The following PRAM1 variants were observed in gnomAD, a reference collection of about 807,000 sequenced individuals.
PRAM1 encodes PML-RARA-regulated adapter molecule 1.
In PRAM1, 41 loss-of-function variants were observed where a neutral mutation model predicts 55.3. The observed-to-expected ratio is 0.74, with a 90% CI of 0.58 to 0.96. The LOEUF (loss-of-function observed/expected upper bound fraction) is 0.96. PRAM1 is among the 40% of genes least tolerant of loss of function. The pLI is 0.00. For synonymous variants in PRAM1, 401 were observed against 387.1 expected, an observed-to-expected ratio of 1.04 and a Z score of -0.42; for missense variants, 898 against 892.7, an observed-to-expected ratio of 1.01 and a Z score of -0.08.
chr19:8,497,651 CCCAGCAGGAG>C, intron 4 of PRAM1, 103 bp downstream of exon 4: 1 of 833,232 alleles, frequency 1.2e-6, no homozygotes, highest in Non-Finnish European at 1.9e-6. Context: ...TGTAGTTCCA[CCCAGCAGGAG>C]CCAGCAGGTC....
intron 4 of PRAM1, among the ~76,000 whole-genome samples, chr19:8,495,319 C>G (rs1254976507): frequency 6.6e-6 from 1 of 150,792 alleles, no homozygotes; most frequent in East Asian, 2.0e-4. Context: ...AGGCTGGTCT[C>G]GAACTCCTGA....
rs776937565 is a variant in PRAM1, at chr19:8,490,531, T to C, written c.1907-22A>G. Reference sequence around the variant, plus strand: ...CCATCTGTGGAGAGAGTGGGCATGGTGGGTTCTGAGGCCCAGGGTGGCGGC... The same window carrying C: ...CCATCTGTGGAGAGAGTGGGCATGGCGGGTTCTGAGGCCCAGGGTGGCGGC... On this transcript the variant is annotated intron_variant, in intron 7 of 9. Transcript: ENST00000423345. This position sits in a 1 kb window ranked among gnomAD's most constrained non-coding sequence, Gnocchi z 7.3. 5.6e-6 allele frequency: 9 copies of C among 1,607,836 alleles called. No individual in the cohort carries two copies. The highest frequency in any genetic ancestry group is 7.6e-6 in the Non-Finnish European group (9 of 1,177,386).
At chr19:8,501,507 A>ATTTTTT (rs773534887) in intron 1 of PRAM1, among the ~76,000 whole-genome samples, 14 of 102,846 alleles carry the variant, frequency 1.4e-4, no homozygotes, top group African/African-American at 1.6e-4. Context: ...ATGTGTCTTG[A>ATTTTTT]TTTTTTTTTT....
At chr19:8,491,946 T>C (rs1442274351) in intron 4 of PRAM1, 1 of 152,456 alleles carries the variant, frequency 6.6e-6, no homozygotes, top group African/African-American at 2.4e-5. Context: ...TTTTATTTTT[T>C]GAGACGGAGT....
chr19:8,497,814 T>TGTATG lies in PRAM1; in HGVS notation c.1525_1526insCATAC (p.Tyr509SerfsTer57). ...GTCATCTCTGGGTTCCACATCGTCA[T>TGTATG]ACAGCTCGTAGATCTCATCTGGGAC... On this transcript the variant is annotated frameshift_variant, in exon 4 of 10. Coordinates refer to ENST00000423345, the MANE Select transcript of PRAM1 (RefSeq NM_032152.5). LOFTEE classifies it high-confidence loss of function. 1.9e-6 allele frequency: 3 copies of TGTATG among 1,609,506 alleles called. No homozygotes were observed. The highest frequency in any genetic ancestry group is 2.5e-6 in the Non-Finnish European group (3 of 1,178,156).
chr19:8,501,497 ATG>A (rs1319879621), intron 1 of PRAM1, among the ~76,000 whole-genome samples: 1 of 141,540 alleles, frequency 7.1e-6, no homozygotes, highest in African/African-American at 2.7e-5. Context: ...ATTGTTTTTA[ATG>A]TGTCTTGATT....
In PRAM1 at chr19:8,490,262, C is replaced by T; in HGVS notation, c.1976-36G>A. On this transcript the variant is annotated intron_variant, in intron 9 of 9. Coordinates refer to ENST00000423345, the MANE Select transcript of PRAM1 (RefSeq NM_032152.5). The surrounding 1 kb of genome is among the most constrained non-coding windows in gnomAD (Gnocchi z 7.3). ...AGCGTGACTTCCATGGACCCCTCTC[C>T]CCAGAAGCCCAATAGTGAGCAGCGC... 1 of 1,612,030 alleles carries T rather than the reference C, an allele frequency of 6.2e-7. No homozygotes were observed. The highest frequency in any genetic ancestry group is 8.5e-7 in the Non-Finnish European group (1 of 1,178,872).
In PRAM1 at chr19:8,498,233, C is replaced by T. The variant is rs766079758; in HGVS notation, c.1489G>A (p.Asp497Asn). Reference sequence around the variant, plus strand: ...CCTCCCCACACTCACTGCGGGATGTCTTCAGGCTGTCGGTCCTGGAAGTGG... The same window carrying T: ...CCTCCCCACACTCACTGCGGGATGTTTTCAGGCTGTCGGTCCTGGAAGTGG... ...GLHFQDRQPE[D>N]IPQVPDEIYE... Residue 497 changes from aspartate to asparagine, a missense_variant, in exon 3 of 10, where the codon GAC (aspartate) becomes AAC (asparagine). By Grantham distance (23) the Asp-to-Asn change is conservative. This residue lies in a region of PRAM1 where 787 missense variants were observed against 735.4 expected (regional missense o/e 1.07). Coordinates refer to ENST00000423345, the MANE Select transcript of PRAM1 (RefSeq NM_032152.5). The T allele has an allele frequency of 1.9e-6, 3 of 1,612,502 alleles. No individual in the cohort carries two copies. The South Asian group carries it at 3.3e-5, about 18-fold the overall frequency.
chr19:8,490,191 A>C lies in PRAM1; in HGVS notation c.2011T>G (p.Ter671GluextTer3). ...LENQPLPLGR* is the reference protein window; with the variant it reads ...LENQPLPLGRE ...TCCTGGCCCCACGCCTACCGGTCTT[A>C]CCGTCCCAGGGGGAGTGGTTGGTTT... is the stretch of plus-strand genomic sequence containing the variant. The change falls in exon 10 of 10, where the codon TAA becomes GAA. Residue 671 changes from the stop codon to glutamate (E), a stop_lost. Transcript: ENST00000423345. This position sits in a 1 kb window ranked among gnomAD's most constrained non-coding sequence, Gnocchi z 7.3. The C allele has an allele frequency of 1.3e-6, 2 of 1,579,612 alleles. No homozygotes were observed. The highest frequency in any genetic ancestry group is 2.3e-5 in the East Asian group (1 of 44,138).
At chr19:8,501,620 T>C (rs1971808490) in intron 1 of PRAM1, among the ~76,000 whole-genome samples, 1 of 146,696 alleles carries the variant, frequency 6.8e-6, no homozygotes, top group South Asian at 2.2e-4. Context: ...GCCTGGAACA[T>C]GGTAGGTGCT....
Position 8,497,941 on chromosome 19 carries a change from C to T in PRAM1, c.1500-101G>A, listed in dbSNP as rs1242361869. 1.6e-5 allele frequency: 14 copies of T among 850,518 alleles called. 1 individual carries two copies. The highest frequency in any genetic ancestry group is 2.4e-5 in the Non-Finnish European group (14 of 588,142). The allele number at this position is 850,518 out of a possible 1,614,324, so 52.7% of individuals were successfully genotyped here. On this transcript the variant is annotated intron_variant, in intron 3 of 9. Transcript: ENST00000423345. Reference sequence around the variant, plus strand: ...TGCCCAGGCTGGAGTGGTGCAGGGGCATGATCTCGGGCTCACTGCAGCCTC... The same window carrying T: ...TGCCCAGGCTGGAGTGGTGCAGGGGTATGATCTCGGGCTCACTGCAGCCTC...
chr19:8,491,336 C>G (rs1055608368), intron 4 of PRAM1, 179 bp from the exon 5 acceptor site: 2 of 655,948 alleles, frequency 3.0e-6, no homozygotes, highest in Non-Finnish European at 5.4e-6. Context: ...TGGGTTCAAG[C>G]GATTCTCCTA....
rs746661892 is a variant in PRAM1 at position 8,490,908 on chromosome 19, C to T, written c.1722G>A (p.Arg574=). Residue 574 remains arginine, a synonymous_variant, in exon 6 of 10, where the codon AGG becomes AGA. Transcript: ENST00000423345. This position sits in a 1 kb window ranked among gnomAD's most constrained non-coding sequence, Gnocchi z 7.3. ...KQLRKAEKAE[R]EFRKKFKFEG... is the part of the protein sequence containing the mutation. ...TCACCTTGAACTTCTTCCGGAACTC[C>T]CTCTCGGCCTTCTCTGCCTTCCTCA... The T allele has an allele frequency of 4.3e-6, 7 of 1,613,524 alleles. No homozygotes were observed. The Admixed American group carries it at 1.2e-4, about 27-fold the overall frequency.
rs753474805 is a variant in PRAM1 at position 8,490,397 on chromosome 19, A to C, written c.1941-25T>G. On this transcript the variant is annotated intron_variant, in intron 8 of 9. Transcript: ENST00000423345. This position sits in a 1 kb window ranked among gnomAD's most constrained non-coding sequence, Gnocchi z 7.3. Reference sequence around the variant, plus strand: ...CCTGGCAGAGCACAGTTGGGTCAGCAAGGGGCACCGTGGCCCATTCCCCCC... The same window carrying C: ...CCTGGCAGAGCACAGTTGGGTCAGCCAGGGGCACCGTGGCCCATTCCCCCC... 6.2e-7 allele frequency: 1 copy of C among 1,613,842 alleles called. No individual in the cohort carries two copies. Among genetic ancestry groups the C allele is most frequent in the South Asian group, 1.1e-5 (1 of 91,082 alleles).
intron 5 of PRAM1, 28 bp from the exon 6 acceptor site, chr19:8,491,023 G>GTC (rs1273752815): frequency 8.7e-6 from 14 of 1,612,790 alleles, no homozygotes; most frequent in Non-Finnish European, 1.1e-5. Flanking sequence ...GGAATTGTGT[G>GTC]CTCGTGAGCA....
Position 8,490,743 on chromosome 19 carries a change from A to G in PRAM1, c.1757T>C (p.Ile586Thr), listed in dbSNP as rs1971610770. Residue 586 changes from isoleucine to threonine, a missense_variant, in exon 7 of 10, where the codon ATC (isoleucine) becomes ACC (threonine). Transcript: ENST00000423345. The surrounding 1 kb of genome is among the most constrained non-coding windows in gnomAD (Gnocchi z 7.3). ...GATCATCATCTTCGTGTGAACCACG[A>G]TCTCCCCTTCAAACTGGGGCGCGAG... The part of the protein sequence containing the change: ...FRKKFKFEGE[I>T]VVHTKMMIDP... 1 of 1,609,484 alleles carries G rather than the reference A, an allele frequency of 6.2e-7. No individual in the cohort carries two copies. Among genetic ancestry groups the G allele is most frequent in the Non-Finnish European group, 8.5e-7 (1 of 1,179,632 alleles).
chr19:8,498,691 C>G lies in PRAM1; in HGVS notation c.1117G>C (p.Glu373Gln). The G allele has an allele frequency of 6.2e-7, 1 of 1,604,286 alleles. No individual in the cohort carries two copies. Among genetic ancestry groups the G allele is most frequent in the African/African-American group, 1.3e-5 (1 of 74,848 alleles). The change falls in exon 2 of 10, where the codon GAG becomes CAG. Residue 373 changes from glutamate (E) to glutamine (Q), a missense_variant. Physicochemically the swap from Glu to Gln is conservative, Grantham distance 29. Transcript: ENST00000423345. ...TTTCGAGGGAGATCACCGAAGAACT[C>G]AGGCTGCGGGTGTCTCTTGAGGACA... Reference protein sequence around the residue: ...SAVLKRHPQPEFFGDLPRKPP... With the variant: ...SAVLKRHPQPQFFGDLPRKPP...
At chr19:8,495,569 A>T (rs773972639) in intron 4 of PRAM1, among the ~76,000 whole-genome samples, 40 of 152,170 alleles carry the variant, frequency 2.6e-4, no homozygotes, top group Non-Finnish European at 5.3e-4. Flanking sequence ...ATGGGGGTGC[A>T]TTGCCTTACT....
Position 8,498,364 on chromosome 19 carries a change from G to T in PRAM1, c.1432+12C>A, listed in dbSNP as rs371085410. The T allele has an allele frequency of 1.3e-5, 21 of 1,582,940 alleles. No homozygotes were observed. The highest frequency in any genetic ancestry group is 5.5e-5 in the Admixed American group (3 of 55,022). The stretch of plus-strand genomic sequence containing the variant: ...GCCCCCGCTCCTGCCGGTGCCGCCC[G>T]CCCTCACCCACCTATGGATGCTGCA... On this transcript the variant is annotated intron_variant, in intron 2 of 9. Coordinates refer to ENST00000423345, the MANE Select transcript of PRAM1 (RefSeq NM_032152.5).
Sources: gnomAD v4.1 joint callset for allele counts (sites outside exome capture counted in the v4.1 genomes callset) on GRCh38, gnomAD v4.1.1 for gene constraint, gnomAD v4.1.1 regional missense constraint, Gnocchi (gnomAD v3.1) non-coding constraint, MANE v1.5 for transcripts, NCBI Gene and HGNC (gene_info 2026-07-23, HGNC 2026-07-21) for gene names.